FASTKD1: variants seen among roughly 807,000 people sequenced by gnomAD.
FASTKD1 encodes FAST kinase domain-containing protein 1, mitochondrial.
A neutral mutation model predicts 90.9 loss-of-function variants in FASTKD1; 94 were observed. That is an observed-to-expected ratio of 1.03 (90% CI 0.88 to 1.23). The LOEUF (loss-of-function observed/expected upper bound fraction) is 1.23, where lower values mean the gene tolerates loss of function less well. Ranked by LOEUF, FASTKD1 falls within the 50% of genes most tolerant of loss-of-function variation. The pLI is 0.00. For synonymous variants in FASTKD1, 319 were observed against 345.8 expected, an observed-to-expected ratio of 0.92 and a Z score of 0.86; for missense variants, 945 against 993.5, an observed-to-expected ratio of 0.95 and a Z score of 0.66.
intron 3 of FASTKD1, among the ~76,000 whole-genome samples, chr2:169,564,210 T>C (rs1574410703): frequency 6.6e-6 from 1 of 152,262 alleles, no homozygotes; most frequent in East Asian, 1.9e-4. Context: ...ATTGTGAACC[T>C]TACTCAGAAA....
chr2:169,548,420 TA>T (rs35933613), intron 7 of FASTKD1, among the ~76,000 whole-genome samples: 56 of 142,880 alleles, frequency 3.9e-4, no homozygotes, highest in Non-Finnish European at 3.8e-4. Flanking sequence ...CAATAATTGT[TA>T]AAAAAAAAAA....
intron 9 of FASTKD1, among the ~76,000 whole-genome samples, chr2:169,543,218 C>T (rs1055810239): frequency 8.5e-5 from 13 of 152,236 alleles, no homozygotes; most frequent in Non-Finnish European, 2.9e-5. Flanking sequence ...AATCCCAGCA[C>T]TTTGGGAGGC....
intron 4 of FASTKD1, among the ~76,000 whole-genome samples, chr2:169,561,964 G>A (rs551320962): frequency 1.4e-4 from 17 of 119,554 alleles, no homozygotes; most frequent in Admixed American, 4.7e-4. Context: ...TTAATTTATT[G>A]TAAATTAATT....
intron 12 of FASTKD1, among the ~76,000 whole-genome samples, chr2:169,534,631 G>T (rs1684651073): frequency 6.6e-6 from 1 of 151,452 alleles, no homozygotes; most frequent in Non-Finnish European, 1.5e-5. Context: ...AGCTAATTTT[G>T]TATATTTAGT....
chr2:169,561,992 AAATT>A lies in FASTKD1; in HGVS notation c.573-1211_573-1208del, dbSNP rs1420807851. On this transcript the variant is annotated intron_variant, in intron 4 of 14. Coordinates refer to ENST00000453153, the MANE Select transcript of FASTKD1 (RefSeq NM_024622.6). The stretch of plus-strand genomic sequence containing the variant: ...AATTAATTATTCATTAATTTATTGT[AAATT>A]AATTATTCATTAATTTATTGTAAAT... 8.2e-5 allele frequency among the ~76,000 whole-genome samples: 10 copies of A among 122,580 alleles called. 1 individual carries two copies. The highest frequency in any genetic ancestry group is 2.8e-4 in the African/African-American group (9 of 32,070). The allele number at this position is 122,580 out of a possible 152,430, so 80.4% of individuals were successfully genotyped here. A position where few individuals can be genotyped will look rare whatever the true frequency, so the allele number is the denominator to read the frequency against.
chr2:169,568,131 A>G (rs940587427), intron 3 of FASTKD1, among the ~76,000 whole-genome samples: 1 of 152,092 alleles, frequency 6.6e-6, no homozygotes. Flanking sequence ...TGGACCTGAA[A>G]CTCACTTTCT....
intron 8 of FASTKD1, 75 bp from the exon 9 acceptor site, chr2:169,544,910 T>C: frequency 1.3e-6 from 1 of 776,030 alleles, no homozygotes; most frequent in Non-Finnish European, 2.1e-6. Context: ...AATTATTTTT[T>C]AGGAGAAATC....
At chr2:169,536,629 T>C (rs1156813254) in intron 12 of FASTKD1, among the ~76,000 whole-genome samples, 5 of 152,194 alleles carry the variant, frequency 3.3e-5, no homozygotes, top group Non-Finnish European at 7.3e-5. Context: ...AAATTTTATC[T>C]TTTTCATTTA....
intron 9 of FASTKD1, among the ~76,000 whole-genome samples, chr2:169,541,061 A>AT (rs1299343744): frequency 6.6e-6 from 1 of 152,140 alleles, no homozygotes; most frequent in Admixed American, 6.6e-5. Flanking sequence ...TTCCTTTTCA[A>AT]TTTTTTCTAA....
Position 169,531,445 on chromosome 2 carries a change from C to A in FASTKD1, c.2234G>T (p.Gly745Val). 1 of 1,611,020 alleles carries A rather than the reference C, an allele frequency of 6.2e-7. No homozygotes were observed. Among genetic ancestry groups the A allele is most frequent in the Non-Finnish European group, 8.5e-7 (1 of 1,179,424 alleles). The stretch of plus-strand genomic sequence containing the variant: ...TTGTCCCAATGCTATATTATGGCTT[C>A]CATACGGAAGAGGTTTTTTTCTTTT... ...LDKRKKPLPY[G>V]SHNIALGQLP... The change falls in exon 13 of 15, where the codon GGA (glycine) becomes GTA (valine). Residue 745 changes from glycine (G) to valine (V), a missense_variant. Physicochemically the swap from Gly to Val is moderately radical, Grantham distance 109. Transcript: ENST00000453153.
At chr2:169,559,671 G>A (rs1223764740) in intron 5 of FASTKD1, among the ~76,000 whole-genome samples, 1 of 152,190 alleles carries the variant, frequency 6.6e-6, no homozygotes, top group Non-Finnish European at 1.5e-5. Context: ...ACCTGCCTCG[G>A]CCTCCCAAAG....
rs1181464477 is a variant in FASTKD1 at position 169,539,787 on chromosome 2, T to C, written c.1945+264A>G. On this transcript the variant is annotated intron_variant, in intron 10 of 14. Transcript: ENST00000453153. ...TCAAAACAAAACAAAAAAACACAGA[T>C]ATATAATCATTCACATAGGAGAAGG... 2.0e-5 allele frequency among the ~76,000 whole-genome samples: 3 copies of C among 151,848 alleles called. No individual in the cohort carries two copies. The East Asian group carries it at 5.8e-4, about 29-fold the overall frequency.
Position 169,531,497 on chromosome 2 carries a change from G to A in FASTKD1, c.2189-7C>T, listed in dbSNP as rs758526633. ...TCCAAGATACACTCAAAATCTTAAGGAAGCATAGAAACTGGTAGTATGAAT... is the reference window on the plus strand; with the variant it reads ...TCCAAGATACACTCAAAATCTTAAGAAAGCATAGAAACTGGTAGTATGAAT... On this transcript the variant is annotated splice_polypyrimidine_tract_variant and splice_region_variant and intron_variant, in intron 12 of 14. Coordinates refer to ENST00000453153, the MANE Select transcript of FASTKD1 (RefSeq NM_024622.6). The A allele has an allele frequency of 1.3e-6, 2 of 1,595,458 alleles. No individual in the cohort carries two copies. The highest frequency in any genetic ancestry group is 2.3e-5 in the South Asian group (2 of 87,652).
intron 9 of FASTKD1, among the ~76,000 whole-genome samples, chr2:169,541,244 G>A (rs1359865680): frequency 6.6e-6 from 1 of 152,032 alleles, no homozygotes; most frequent in Non-Finnish European, 1.5e-5. Flanking sequence ...AACTTTCTCT[G>A]ATTAAGTTTT....
intron 3 of FASTKD1, among the ~76,000 whole-genome samples, chr2:169,563,578 T>G (rs74700401): frequency 0.07 from 10,723 of 152,172 alleles, 422 homozygotes; most frequent in African/African-American, 0.1. Context: ...TTTACTTAAT[T>G]TTTTTAGATG....
chr2:169,557,695 A>G (rs909853186), intron 5 of FASTKD1, among the ~76,000 whole-genome samples: 2 of 152,236 alleles, frequency 1.3e-5, no homozygotes, highest in Non-Finnish European at 2.9e-5. Flanking sequence ...ACTGAATAGG[A>G]ACATCTAGGA....
rs1017778875 is a variant in FASTKD1 at position 169,537,678 on chromosome 2, G to A, written c.2074+335C>T. Among the ~76,000 whole-genome samples, 8 of 152,018 alleles carry A rather than the reference G, an allele frequency of 5.3e-5. No homozygotes were observed. In the East Asian group the frequency reaches 5.8e-4, roughly 11 times the overall value. On this transcript the variant is annotated intron_variant, in intron 11 of 14. Transcript: ENST00000453153. ...TGGGATTACAGGTGTGAGCCACCGC[G>A]CCCGGACTTAATCAGTTTTTTAATG... is the stretch of plus-strand genomic sequence containing the variant.
intron 12 of FASTKD1, among the ~76,000 whole-genome samples, chr2:169,534,181 C>A (rs142114480): frequency 5.2e-5 from 2 of 38,778 alleles, no homozygotes; most frequent in African/African-American, 2.0e-4. Flanking sequence ...AAGACCCTTT[C>A]TCAAAAAAAA....
chr2:169,562,044 AAATT>A (rs1303739726), intron 4 of FASTKD1, among the ~76,000 whole-genome samples: 4 of 112,790 alleles, frequency 3.5e-5, no homozygotes, highest in Non-Finnish European at 5.5e-5. Context: ...AATTTATTGT[AAATT>A]AATTATTTAT....
Sources: gnomAD v4.1 joint callset for allele counts (sites outside exome capture counted in the v4.1 genomes callset) on GRCh38, gnomAD v4.1.1 for gene constraint, MANE v1.5 for transcripts, NCBI Gene and HGNC (gene_info 2026-07-23, HGNC 2026-07-21) for gene names.